Variants in GSDMD observed in about 807,000 individuals in gnomAD.
GSDMD encodes the protein gasdermin D, also known as gasdermin-D.
A neutral mutation model predicts 46.7 loss-of-function variants in GSDMD; 46 were observed. The ratio of observed to expected loss-of-function variants is 0.99; its 90% CI spans 0.78 to 1.26. The LOEUF (loss-of-function observed/expected upper bound fraction) is 1.26. GSDMD is among the 50% of genes most tolerant of loss of function. The pLI, the probability that GSDMD is intolerant of heterozygous loss-of-function variation, is 0.00. For missense variants in GSDMD, 649 were observed against 638.8 expected, an observed-to-expected ratio of 1.02 and a Z score of -0.17; for synonymous variants, 307 against 283.1, an observed-to-expected ratio of 1.08 and a Z score of -0.85.
At chr8:143,554,081 T>C (rs1432551048), upstream of GSDMD, among the ~76,000 whole-genome samples, 1 of 152,204 alleles carries the variant, frequency 6.6e-6, no homozygotes, top group East Asian at 1.9e-4. Flanking sequence ...GTACAGGGCT[T>C]TCCAGGAATT....
intron 1 of GSDMD, 52 bp from the exon 2 acceptor site, chr8:143,559,280 T>TCCCCCCCC: frequency 3.5e-6 from 2 of 579,430 alleles, no homozygotes; most frequent in Non-Finnish European, 3.2e-6. Context: ...CTTCTCCCAC[T>TCCCCCCCC]CCCTCCCGCC....
upstream of GSDMD, chr8:143,558,133 A>T (rs914327583): frequency 1.1e-5 from 6 of 561,412 alleles, no homozygotes; most frequent in African/African-American, 1.2e-4. Flanking sequence ...ACCTCAGGTG[A>T]TCCGCCCGGG....
intron 9 of GSDMD, 46 bp downstream of exon 9, chr8:143,562,396 G>A (rs1190980653): frequency 2.6e-5 from 40 of 1,552,018 alleles, no homozygotes; most frequent in Non-Finnish European, 3.4e-5. Context: ...GGAGGGAGGT[G>A]GGCTTTCCCG....
At chr8:143,554,418 G>A (rs1385752288), upstream of GSDMD, among the ~76,000 whole-genome samples, 1 of 149,136 alleles carries the variant, frequency 6.7e-6, no homozygotes, top group Non-Finnish European at 1.5e-5. Context: ...GTACGTGTAT[G>A]CACACGCGCA....
Position 143,561,390 on chromosome 8 carries a change from AAGAAGCAG to A in GSDMD, c.706_713del (p.Lys236AspfsTer47). 6.2e-7 allele frequency: 1 copy of A among 1,611,162 alleles called. No individual in the cohort carries two copies. The highest frequency in any genetic ancestry group is 1.1e-5 in the South Asian group (1 of 90,680). ...GCCAGACGTCCTTCTCTTCCCGGAT[AAGAAGCAG>A]AGGACCTTCCAGCCACCCGCGACAG... On this transcript the variant is annotated frameshift_variant, in exon 6 of 11. Transcript: ENST00000262580. LOFTEE classifies it high-confidence loss of function.
At chr8:143,561,854 G>A (rs1249218377) in intron 7 of GSDMD, 26 bp downstream of exon 7, 3 of 1,611,162 alleles carry the variant, frequency 1.9e-6, no homozygotes, top group South Asian at 1.1e-5. Context: ...ACCGCCCCGG[G>A]GACCTTTGGT....
upstream of GSDMD, chr8:143,558,084 G>A (rs1315392140): frequency 2.1e-6 from 1 of 468,098 alleles, no homozygotes; most frequent in East Asian, 4.6e-5. Flanking sequence ...AGTAGAGACG[G>A]GGTTTCACCA....
chr8:143,559,364 GGA>G lies in GSDMD; in HGVS notation c.33_34del (p.Arg11SerfsTer31). ...GGGTCGGCCTTTGAGCGGGTAGTCC[GGA>G]GAGTGGTCCAGGAGCTGGACCATGG... On this transcript the variant is annotated frameshift_variant, in exon 2 of 11. Coordinates refer to ENST00000262580, the MANE Select transcript of GSDMD (RefSeq NM_024736.7). LOFTEE classifies it high-confidence loss of function. 2.5e-6 allele frequency: 4 copies of G among 1,604,702 alleles called. No homozygotes were observed. The highest frequency in any genetic ancestry group is 2.7e-5 in the African/African-American group (2 of 74,138).
intron 6 of GSDMD, 28 bp downstream of exon 6, chr8:143,561,451 G>T: frequency 6.2e-7 from 1 of 1,602,982 alleles, no homozygotes; most frequent in Non-Finnish European, 8.5e-7. Context: ...CCAGCATGGG[G>T]TGTCCGGTGG....
At chr8:143,561,646 C>A in intron 6 of GSDMD, 96 bp from the exon 7 acceptor site, 2 of 1,099,028 alleles carry the variant, frequency 1.8e-6, no homozygotes, top group Non-Finnish European at 2.7e-6. Context: ...CAGTGGTGAG[C>A]GGGGCTGTGA....
intron 3 of GSDMD, chr8:143,560,319 C>T (rs1479471911): frequency 5.8e-6 from 4 of 688,210 alleles, no homozygotes; most frequent in Admixed American, 2.0e-5. Context: ...TCCTAAGGAC[C>T]GGACTGAGCC....
chr8:143,561,173 A>G, intron 5 of GSDMD, 69 bp downstream of exon 5: 1 of 1,466,474 alleles, frequency 6.8e-7, no homozygotes, highest in South Asian at 1.2e-5. Flanking sequence ...GGGGAGAGCT[A>G]CCCGCCAGCT....
rs377663855 is a variant in GSDMD, at chr8:143,559,833, G to A, written c.274G>A (p.Gly92Ser). 15 of 1,612,234 alleles carry A rather than the reference G, an allele frequency of 9.3e-6. No individual in the cohort carries two copies. The African/African-American group carries it at 1.2e-4, about 13-fold the overall frequency. The change falls in exon 3 of 11, where the codon GGC (glycine) becomes AGC (serine). Residue 92 changes from glycine to serine, a missense_variant. Gly to Ser is a moderately conservative substitution (Grantham distance 56). Transcript: ENST00000262580. ...FYDAMDGQIQ[G>S]SVELAAPGQA... The stretch of plus-strand genomic sequence containing the variant: ...CGATGCCATGGATGGGCAGATACAG[G>A]GCAGCGTGGAGCTGGCAGCCCCAGG...
At position 143,562,503 on chromosome 8, in the gene GSDMD, G is replaced by A. The variant is rs754762939; in HGVS notation, c.1194G>A (p.Leu398=). ...CGGAGGCGCTGGAGTCGCAGACCCTGTTGGGGCCGCTCGAGCTGGTGAGAG... is the reference window on the plus strand; with the variant it reads ...CGGAGGCGCTGGAGTCGCAGACCCTATTGGGGCCGCTCGAGCTGGTGAGAG... The part of the protein sequence containing the change: ...LLAEALESQT[L]LGPLELVGSL... The change falls in exon 10 of 11, where the codon CTG becomes CTA. Residue 398 remains leucine (L), a synonymous_variant. Coordinates refer to ENST00000262580, the MANE Select transcript of GSDMD (RefSeq NM_024736.7). The A allele has an allele frequency of 5.6e-6, 9 of 1,607,902 alleles. No individual in the cohort carries two copies. Among genetic ancestry groups the A allele is most frequent in the African/African-American group, 4.0e-5 (3 of 74,916 alleles).
Position 143,562,749 on chromosome 8 carries a change from G to T in GSDMD, c.1300G>T (p.Glu434Ter), listed in dbSNP as rs200540390. The T allele has an allele frequency of 1.3e-5, 21 of 1,586,592 alleles. No individual in the cohort carries two copies. Among genetic ancestry groups the T allele is most frequent in the Non-Finnish European group, 1.8e-5 (21 of 1,166,652 alleles). ...CGGGCTCCTGGGGAACAGCTGGGGCGAAGGAGCACCGGCCTGGGTCTTGCT... is the reference window on the plus strand; with the variant it reads ...CGGGCTCCTGGGGAACAGCTGGGGCTAAGGAGCACCGGCCTGGGTCTTGCT... ...PPGLLGNSWG[E>*]GAPAWVLLDE... Residue 434 changes from glutamate to a stop codon, truncating the protein, a stop_gained, in exon 11 of 11, where the codon GAA becomes TAA. Transcript: ENST00000262580. LOFTEE classifies it low-confidence loss of function (END_TRUNC).
At position 143,559,880 on chromosome 8, in the gene GSDMD, G is replaced by C. The variant is rs146361019; in HGVS notation, c.321G>C (p.Gly107=). 1 of 1,612,770 alleles carries C rather than the reference G, an allele frequency of 6.2e-7. No homozygotes were observed. Among genetic ancestry groups the C allele is most frequent in the Non-Finnish European group, 8.5e-7 (1 of 1,179,970 alleles). ...AAPGQAKIAG[G]AAVSDSSSTS... is the part of the protein sequence containing the mutation. ...CAGGACAGGCAAAGATCGCAGGCGG[G>C]GCCGCGGTGTCTGACAGCTCCAGCA... The change falls in exon 3 of 11, where the codon GGG becomes GGC. Residue 107 remains glycine, a synonymous_variant. Transcript: ENST00000262580.
intron 1 of GSDMD, 52 bp from the exon 2 acceptor site, chr8:143,559,280 T>TGGGC: frequency 1.0e-5 from 6 of 579,426 alleles, no homozygotes; most frequent in Non-Finnish European, 1.3e-5. Flanking sequence ...CTTCTCCCAC[T>TGGGC]CCCTCCCGCC....
chr8:143,559,280 T>TTGCCA, intron 1 of GSDMD, 52 bp from the exon 2 acceptor site: 5 of 579,428 alleles, frequency 8.6e-6, no homozygotes, highest in Non-Finnish European at 9.7e-6. Flanking sequence ...CTTCTCCCAC[T>TTGCCA]CCCTCCCGCC....
chr8:143,561,162 T>A, intron 5 of GSDMD, 58 bp downstream of exon 5: 1 of 1,502,802 alleles, frequency 6.7e-7, no homozygotes, highest in South Asian at 1.1e-5. Flanking sequence ...CAGGGAGGCC[T>A]GGGGAGAGCT....
Sources: allele counts gnomAD v4.1 joint callset (sites outside exome capture counted in the v4.1 genomes callset), GRCh38; gene constraint gnomAD v4.1.1; transcripts MANE v1.5; gene names NCBI Gene and HGNC (gene_info 2026-07-23, HGNC 2026-07-21).